Variants in ABCA12 observed in about 807,000 individuals in gnomAD.
ABCA12 encodes the protein ATP binding cassette subfamily A member 12, also known as glucosylceramide transporter ABCA12.
A neutral mutation model predicts 293.5 loss-of-function variants in ABCA12; 156 were observed. That is an observed-to-expected ratio of 0.53 (90% CI 0.47 to 0.61). The LOEUF is 0.61. ABCA12 is among the 20% of genes least tolerant of loss of function. The pLI is 0.00. For missense variants in ABCA12, 2,797 were observed against 3,090.2 expected (o/e 0.91, Z 2.25); for synonymous variants, 1,063 against 1,108.0 (o/e 0.96, Z 0.81).
At chr2:214,938,426 C>T (rs1339941244) in intron 50 of ABCA12, among the ~76,000 whole-genome samples, 1 of 152,122 alleles carries the variant, frequency 6.6e-6, no homozygotes, top group Admixed American at 6.5e-5. Context: ...AGTAAACATA[C>T]ATGTGCATGT....
intron 4 of ABCA12, among the ~76,000 whole-genome samples, chr2:215,053,166 C>A (rs536108824): frequency 1.3e-5 from 2 of 152,176 alleles, no homozygotes; most frequent in East Asian, 3.9e-4. Context: ...AATGCATCTA[C>A]ATCTAGTATT....
At chr2:214,969,511 C>A (rs533430085) in intron 37 of ABCA12, among the ~76,000 whole-genome samples, 1 of 151,956 alleles carries the variant, frequency 6.6e-6, no homozygotes, top group Non-Finnish European at 1.5e-5. Context: ...ATGCAAATAA[C>A]ATCATAGTAT....
chr2:215,110,738 C>A (rs1702555741), intron 2 of ABCA12, among the ~76,000 whole-genome samples: 1 of 152,164 alleles, frequency 6.6e-6, no homozygotes, highest in South Asian at 2.1e-4. Flanking sequence ...GCTTTTTACT[C>A]TCTTTACAAA....
chr2:214,963,605 CAAAAAAAAAA>C (rs57895778), intron 39 of ABCA12, among the ~76,000 whole-genome samples: 18 of 70,184 alleles, frequency 2.6e-4, no homozygotes, highest in African/African-American at 8.5e-4. Flanking sequence ...GCAGAGATAC[CAAAAAAAAAA>C]AAAAAAAAAA....
intron 23 of ABCA12, among the ~76,000 whole-genome samples, chr2:214,997,283 T>A (rs1159345393): frequency 1.3e-5 from 2 of 152,350 alleles, no homozygotes; most frequent in East Asian, 3.9e-4. Context: ...CATATGTCTA[T>A]GTCTATGTTT....
rs559509258 is a variant in ABCA12 at position 214,971,769 on chromosome 2, T to C, written c.5563-1369A>G. Among the ~76,000 whole-genome samples, 6 of 152,320 alleles carry C rather than the reference T, an allele frequency of 3.9e-5. No homozygotes were observed. In the East Asian group the frequency reaches 5.8e-4, roughly 15 times the overall value. The stretch of plus-strand genomic sequence containing the variant: ...ATTATTCACATTTCTGATGGGTATA[T>C]AGTAAGAGTGGAATTGCAGGTCCCA... On this transcript the variant is annotated intron_variant, in intron 36 of 52. Coordinates refer to ENST00000272895, the MANE Select transcript of ABCA12 (RefSeq NM_173076.3).
In ABCA12 at chr2:215,111,630, G is replaced by C. The variant is rs201542666; in HGVS notation, c.130C>G (p.Arg44Gly). Residue 44 changes from arginine to glycine, a missense_variant, in exon 2 of 53, where the codon CGG becomes GGG. Physicochemically the swap from Arg to Gly is moderately radical, Grantham distance 125. Around this residue, in one of 3 missense-constraint regions of ABCA12, gnomAD observed 656 missense variants for 638.2 expected, o/e 1.03. Transcript: ENST00000272895. ...VIIFIILAIT[R>G]TKFPPTAKPT... ...TTTGCAGTTGGAGGAAATTTGGTCC[G>C]AGTAATAGCCAAAATTATGAAAATA... 30 of 1,613,218 alleles carry C rather than the reference G, an allele frequency of 1.9e-5. No homozygotes were observed. The highest frequency in any genetic ancestry group is 2.5e-5 in the Non-Finnish European group (30 of 1,179,594).
intron 49 of ABCA12, among the ~76,000 whole-genome samples, chr2:214,943,692 G>A (rs545266434): frequency 4.6e-5 from 7 of 152,056 alleles, no homozygotes; most frequent in African/African-American, 1.7e-4. Context: ...ATTATGCTAC[G>A]TACCCCATAT....
intron 22 of ABCA12, among the ~76,000 whole-genome samples, 171 bp downstream of exon 22, chr2:215,000,534 G>A (rs911612166): frequency 2.6e-5 from 4 of 152,194 alleles, no homozygotes; most frequent in Non-Finnish European, 5.9e-5. Context: ...GTATTGATGA[G>A]CAGTTATGAT....
chr2:214,961,137 A>G (rs1461820698), intron 39 of ABCA12, among the ~76,000 whole-genome samples: 1 of 152,040 alleles, frequency 6.6e-6, no homozygotes, highest in Non-Finnish European at 1.5e-5. Context: ...TATATGCATT[A>G]AGAAACAATA....
chr2:215,108,440 C>A (rs2106124490), intron 2 of ABCA12, among the ~76,000 whole-genome samples: 1 of 152,248 alleles, frequency 6.6e-6, no homozygotes, highest in African/African-American at 2.4e-5. Context: ...AATGTGAGTT[C>A]ATGAGCTTAA....
At position 215,079,436 on chromosome 2, in the gene ABCA12, T is replaced by C. The variant is rs143006857; in HGVS notation, c.164-15217A>G. 1.7e-3 allele frequency among the ~76,000 whole-genome samples: 259 copies of C among 152,310 alleles called. 2 individuals carry two copies. The highest frequency in any genetic ancestry group is 0.01 in the Middle Eastern group (3 of 294). On this transcript the variant is annotated intron_variant, in intron 2 of 52. Transcript: ENST00000272895. The stretch of plus-strand genomic sequence containing the variant: ...TCCTTGGTGCCTGCTGTGGAAAATA[T>C]TGATGGATAAATAATAGAAATGAAA...
At chr2:215,005,554 A>G (rs1362953420) in intron 19 of ABCA12, among the ~76,000 whole-genome samples, 7 of 152,250 alleles carry the variant, frequency 4.6e-5, no homozygotes, top group East Asian at 1.9e-4. Context: ...ACATGCTGTG[A>G]TAACAGTCCT....
chr2:214,937,621 A>C lies in ABCA12; in HGVS notation c.7437-6T>G. 6.2e-7 allele frequency: 1 copy of C among 1,610,394 alleles called. No homozygotes were observed. Among genetic ancestry groups the C allele is most frequent in the Non-Finnish European group, 8.5e-7 (1 of 1,176,820 alleles). On this transcript the variant is annotated splice_polypyrimidine_tract_variant and splice_region_variant and intron_variant, in intron 50 of 52. Transcript: ENST00000272895. ...CAGTAAATCCTCGTCCAAACCTAGA[A>C]AGAAAAAGTGCAAAATATGATATGA...
intron 13 of ABCA12, 87 bp downstream of exon 13, chr2:215,019,249 G>T: frequency 8.0e-7 from 1 of 1,246,266 alleles, no homozygotes; most frequent in South Asian, 1.2e-5. Context: ...GTTTGGTTGG[G>T]AACTTCAAAA....
chr2:214,974,714 T>C (rs1053890638), intron 35 of ABCA12, 64 bp downstream of exon 35: 1 of 1,452,846 alleles, frequency 6.9e-7, no homozygotes, highest in Non-Finnish European at 9.7e-7. Context: ...CACACCCACA[T>C]ACACATGCAC....
Position 214,945,079 on chromosome 2 carries a change from G to T in ABCA12, c.7265C>A (p.Pro2422Gln), listed in dbSNP as rs765289715. ...LLDEPSSGMD[P>Q]KSKRHLWKII... ...CTTCCAGAGGTGCCGTTTCGACTTCGGATCCATGCCAGAGCTCGGCTCATC... is the reference window on the plus strand; with the variant it reads ...CTTCCAGAGGTGCCGTTTCGACTTCTGATCCATGCCAGAGCTCGGCTCATC... Residue 2422 changes from proline (P) to glutamine (Q), a missense_variant, in exon 49 of 53, where the codon CCG becomes CAG. This residue lies in a region of ABCA12 where 2,130 missense variants were observed against 2,427.0 expected (regional missense o/e 0.88). Coordinates refer to ENST00000272895, the MANE Select transcript of ABCA12 (RefSeq NM_173076.3). The T allele has an allele frequency of 6.2e-7, 1 of 1,613,358 alleles. No homozygotes were observed.
chr2:215,060,131 T>C (rs950218091), intron 3 of ABCA12, among the ~76,000 whole-genome samples: 1 of 152,078 alleles, frequency 6.6e-6, no homozygotes, highest in Non-Finnish European at 1.5e-5. Flanking sequence ...CACCATTTGT[T>C]GTCTAATATT....
chr2:215,095,019 A>G (rs2106110720), intron 2 of ABCA12, among the ~76,000 whole-genome samples: 1 of 152,058 alleles, frequency 6.6e-6, no homozygotes, highest in Middle Eastern at 3.4e-3. Flanking sequence ...CCAAAAATCA[A>G]TTTGCAAATA....
Sources: gnomAD v4.1 joint callset for allele counts (sites outside exome capture counted in the v4.1 genomes callset) on GRCh38, gnomAD v4.1.1 for gene constraint, gnomAD v4.1.1 regional missense constraint, MANE v1.5 for transcripts, NCBI Gene and HGNC (gene_info 2026-07-23, HGNC 2026-07-21) for gene names.